Variants in TMPRSS9 observed in about 807,000 individuals in gnomAD.
TMPRSS9 encodes transmembrane protease serine 9.
TMPRSS9 carries 113 observed loss-of-function variants against 111.4 expected under a neutral mutation model. The observed-to-expected ratio is 1.01, with a 90% CI of 0.87 to 1.19. The LOEUF is 1.19. TMPRSS9 is among the 50% of genes most tolerant of loss of function. The pLI is 0.00. For missense variants in TMPRSS9, 1,803 were observed against 1,513.1 expected (o/e 1.19, Z -3.18); for synonymous variants, 805 against 659.1 (o/e 1.22, Z -3.39).
At chr19:2,392,362 C>T (rs142461935) in intron 1 of TMPRSS9, among the ~76,000 whole-genome samples, 35 of 151,058 alleles carry the variant, frequency 2.3e-4, no homozygotes, top group African/African-American at 7.8e-4. Flanking sequence ...CACTGCACTC[C>T]AGCTTGGGAG....
chr19:2,405,336 C>G (rs1216803656), intron 6 of TMPRSS9, 38 bp from the exon 8 acceptor site: 2 of 1,551,622 alleles, frequency 1.3e-6, no homozygotes, highest in Non-Finnish European at 1.7e-6. Context: ...GAGGTCCTGC[C>G]TTCGTGGGGT....
At chr19:2,420,441 C>CA (rs575760141) in intron 13 of TMPRSS9, among the ~76,000 whole-genome samples, 6,268 of 105,984 alleles carry the variant, frequency 0.059, 407 homozygotes, top group African/African-American at 0.18. Context: ...GACTCCACCT[C>CA]AAAAAAAAAA....
chr19:2,391,995 G>C (rs1362891339), intron 1 of TMPRSS9, among the ~76,000 whole-genome samples: 2 of 151,944 alleles, frequency 1.3e-5, no homozygotes, highest in African/African-American at 4.8e-5. Context: ...ACCTGCCTTG[G>C]CCTCCGAAAG....
intron 6 of TMPRSS9, among the ~76,000 whole-genome samples, chr19:2,404,732 A>G (rs1970932977): frequency 2.0e-5 from 3 of 152,010 alleles, no homozygotes; most frequent in Admixed American, 1.3e-4. Flanking sequence ...GGAGTTCGAG[A>G]CCAGCCTGGT....
upstream of TMPRSS9, among the ~76,000 whole-genome samples, chr19:2,387,733 ACTCT>A (rs962355763): frequency 1.3e-5 from 2 of 149,738 alleles, no homozygotes; most frequent in African/African-American, 2.4e-5. Flanking sequence ...CAACAGAGAG[ACTCT>A]CTCTCTCTTT....
chr19:2,395,692 GC>G (rs1201468234), intron 1 of TMPRSS9, among the ~76,000 whole-genome samples: 2 of 151,860 alleles, frequency 1.3e-5, no homozygotes, highest in Admixed American at 1.3e-4. Context: ...TCCAGTGTGG[GC>G]AACAAGAGCA....
intron 7 of TMPRSS9, among the ~76,000 whole-genome samples, chr19:2,406,390 G>C (rs374733823): frequency 6.6e-6 from 1 of 151,068 alleles, no homozygotes; most frequent in Non-Finnish European, 1.5e-5. Context: ...GCAGTGGTGC[G>C]ATCTCAGCTC....
intron 7 of TMPRSS9, among the ~76,000 whole-genome samples, chr19:2,405,898 G>A (rs1309385291): frequency 2.0e-5 from 3 of 149,350 alleles, no homozygotes; most frequent in East Asian, 2.0e-4. Context: ...GGGTTTCACC[G>A]TGTTAGCCAG....
intron 9 of TMPRSS9, among the ~76,000 whole-genome samples, chr19:2,410,781 C>T (rs1803730549): frequency 6.6e-6 from 1 of 152,136 alleles, no homozygotes; most frequent in African/African-American, 2.4e-5. Flanking sequence ...TCCCCCCCAG[C>T]TGCCCTCCAA....
intron 13 of TMPRSS9, among the ~76,000 whole-genome samples, chr19:2,420,000 AT>A (rs201602043): frequency 6.6e-6 from 1 of 152,180 alleles, no homozygotes; most frequent in African/African-American, 2.4e-5. Context: ...CTCTACAAAA[AT>A]TTAAAAAAAA....
upstream of TMPRSS9, among the ~76,000 whole-genome samples, chr19:2,386,514 A>C (rs913071711): frequency 7.2e-5 from 11 of 151,916 alleles, no homozygotes; most frequent in Non-Finnish European, 1.6e-4. Context: ...CAAAAAAAAA[A>C]AAACCAAAAA....
chr19:2,377,285 G>A (rs7245912), intron 1 of TMPRSS9, among the ~76,000 whole-genome samples: 56 of 66,434 alleles, frequency 8.4e-4, no homozygotes, highest in East Asian at 1.6e-3. Context: ...ATGTATGTAT[G>A]TATGTATATA....
At chr19:2,416,921 G>A in intron 12 of TMPRSS9, 112 bp downstream of exon 13, 1 of 1,320,178 alleles carries the variant, frequency 7.6e-7, no homozygotes, top group East Asian at 2.5e-5. Flanking sequence ...CACTGCACAG[G>A]GACCTCTGTG....
At chr19:2,392,236 T>C (rs1221070959) in intron 1 of TMPRSS9, among the ~76,000 whole-genome samples, 2 of 151,884 alleles carry the variant, frequency 1.3e-5, no homozygotes, top group Non-Finnish European at 2.9e-5. Context: ...AATTTTATAA[T>C]GTTTTCAGTG....
At chr19:2,374,803 C>T (rs1359141891) in intron 1 of TMPRSS9, among the ~76,000 whole-genome samples, 3 of 152,058 alleles carry the variant, frequency 2.0e-5, no homozygotes, top group Non-Finnish European at 1.5e-5. Flanking sequence ...GGTGGATAAG[C>T]CTGATGTTGT....
At chr19:2,370,866 G>A (rs997542522) in intron 1 of TMPRSS9, among the ~76,000 whole-genome samples, 1 of 152,088 alleles carries the variant, frequency 6.6e-6, no homozygotes, top group African/African-American at 2.4e-5. Flanking sequence ...GGAGGCTGAG[G>A]CAGGAGGATC....
chr19:2,426,116 T>A, exon 18 of TMPRSS9: 1 of 1,506,714 alleles, frequency 6.6e-7, no homozygotes, highest in Non-Finnish European at 8.8e-7. Flanking sequence ...AGGCCGAGAC[T>A]CTACGTGAAA....
At chr19:2,389,784 C>A in exon 1 of TMPRSS9, 1 of 1,611,954 alleles carries the variant, frequency 6.2e-7, no homozygotes, top group Non-Finnish European at 8.5e-7. Context: ...TGTCTCTGAG[C>A]CATGGAGCCC....
At chr19:2,371,256 T>C (rs1275589002) in intron 1 of TMPRSS9, among the ~76,000 whole-genome samples, 1 of 152,150 alleles carries the variant, frequency 6.6e-6, no homozygotes, top group African/African-American at 2.4e-5. Context: ...CGCTCACTCG[T>C]TCACAGTCAC....
Sources: allele counts gnomAD v4.1 joint callset (sites outside exome capture counted in the v4.1 genomes callset), GRCh38; gene constraint gnomAD v4.1.1; transcripts MANE v1.5; gene names NCBI Gene and HGNC (gene_info 2026-07-23, HGNC 2026-07-21).